The following TEX2 variants were observed in gnomAD, a reference collection of about 807,000 sequenced individuals.
TEX2 encodes the protein testis-expressed protein 2.
TEX2 carries 53 observed loss-of-function variants against 106.9 expected under a neutral mutation model. The ratio of observed to expected loss-of-function variants is 0.50; its 90% CI spans 0.40 to 0.62. The LOEUF is 0.62. Among genes scored for constraint, TEX2 ranks in the 20% least tolerant of loss-of-function variants. The probability of loss-of-function intolerance (pLI) is 0.00; values close to 1 mark genes in which losing one functional copy is unlikely to be tolerated. For missense variants in TEX2, 1,207 were observed against 1,379.0 expected, an observed-to-expected ratio of 0.88 and a Z score of 1.98; for synonymous variants, 523 against 534.8, an observed-to-expected ratio of 0.98 and a Z score of 0.30.
chr17:64,203,267 T>C (rs2032726847), intron 2 of TEX2, among the ~76,000 whole-genome samples: 1 of 152,240 alleles, frequency 6.6e-6, no homozygotes, highest in African/African-American at 2.4e-5. Context: ...GTTTTCACCC[T>C]GCTGACATGT....
In TEX2 at chr17:64,195,232, CAGG is replaced by C. The variant is rs777157396; in HGVS notation, c.1645-140_1645-138del. The C allele has an allele frequency of 2.2e-5, 17 of 788,794 alleles. No individual in the cohort carries two copies. The highest frequency in any genetic ancestry group is 6.8e-5 in the Admixed American group (3 of 44,284). 48.9% of individuals were successfully genotyped at this position (788,794 alleles called of 1,614,324 possible). ...ACAGATATCAGCTCACCAATGACTA[CAGG>C]TTGCAAAGAGAAGTGCTTAGCTGGG... is the stretch of plus-strand genomic sequence containing the variant. On this transcript the variant is annotated intron_variant, in intron 2 of 11. Coordinates refer to ENST00000584379, the MANE Select transcript of TEX2 (RefSeq NM_001288732.2). This position sits in a 1 kb window ranked among gnomAD's most constrained non-coding sequence, Gnocchi z 4.1.
chr17:64,244,711 C>T (rs924362785), intron 1 of TEX2, among the ~76,000 whole-genome samples: 2 of 152,148 alleles, frequency 1.3e-5, no homozygotes, highest in Non-Finnish European at 2.9e-5. Context: ...TTTTCAACAT[C>T]CTGTAAGAAT....
Position 64,214,041 on chromosome 17 carries a change from C to T in TEX2, c.177G>A (p.Gly59=), listed in dbSNP as rs782102837. The change falls in exon 2 of 12, where the codon GGG becomes GGA. Residue 59 remains glycine (G), a synonymous_variant. Coordinates refer to ENST00000584379, the MANE Select transcript of TEX2 (RefSeq NM_001288732.2). ...EEEFREYFEE[G]LDDQSIVTGL... ...CTGTTACAATGCTTTGGTCATCCAG[C>T]CCCTCCTCAAAGTACTCCCTGAACT... The T allele has an allele frequency of 3.4e-5, 55 of 1,614,212 alleles. 1 individual carries two copies. In the South Asian group the frequency reaches 5.7e-4, roughly 17 times the overall value.
At chr17:64,157,383 T>C (rs956033031) in intron 8 of TEX2, among the ~76,000 whole-genome samples, 5 of 152,206 alleles carry the variant, frequency 3.3e-5, no homozygotes, top group Admixed American at 6.5e-5. Context: ...AAGTGAATTA[T>C]TTTATCACTG....
chr17:64,226,732 G>A (rs970888963), intron 1 of TEX2, among the ~76,000 whole-genome samples: 14 of 152,222 alleles, frequency 9.2e-5, no homozygotes, highest in Middle Eastern at 3.4e-3. Flanking sequence ...ATGCTGGCAA[G>A]GGCACAATGA....
chr17:64,168,556 T>C (rs2031244745), intron 7 of TEX2, among the ~76,000 whole-genome samples: 1 of 152,202 alleles, frequency 6.6e-6, no homozygotes, highest in Non-Finnish European at 1.5e-5. Context: ...ACTCAAAGCC[T>C]GACCAAAGCT....
In TEX2 at chr17:64,243,130, T is replaced by C. The variant is rs568609953; in HGVS notation, c.-26+20038A>G. On this transcript the variant is annotated intron_variant, in intron 1 of 11. Coordinates refer to ENST00000584379, the MANE Select transcript of TEX2 (RefSeq NM_001288732.2). ...TTTTAGTAGAGACGGGATTTCACCA[T>C]ATTGGCCAGGCTGGTCTCGAACTGC... Among the ~76,000 whole-genome samples the C allele has an allele frequency of 3.3e-5, 5 of 151,644 alleles. No individual in the cohort carries two copies. The South Asian group carries it at 6.3e-4, about 19-fold the overall frequency.
chr17:64,164,806 G>A (rs959780068), intron 7 of TEX2, among the ~76,000 whole-genome samples: 1 of 152,180 alleles, frequency 6.6e-6, no homozygotes, highest in Admixed American at 6.5e-5. Flanking sequence ...ACAGATAAGG[G>A]GTGGCCACAA....
intron 1 of TEX2, among the ~76,000 whole-genome samples, chr17:64,248,404 C>T (rs1277097872): frequency 6.6e-6 from 1 of 152,126 alleles, no homozygotes; most frequent in East Asian, 1.9e-4. Context: ...GGGTAAGGAC[C>T]TCATTTTAAA....
intron 7 of TEX2, among the ~76,000 whole-genome samples, chr17:64,161,328 G>A (rs1313071430): frequency 5.3e-5 from 8 of 152,202 alleles, no homozygotes; most frequent in African/African-American, 1.7e-4. Context: ...AGCCAGTTAC[G>A]AGGCACAAGG....
At chr17:64,227,038 C>G (rs1419105587) in intron 1 of TEX2, among the ~76,000 whole-genome samples, 1 of 151,712 alleles carries the variant, frequency 6.6e-6, no homozygotes, top group African/African-American at 2.4e-5. Context: ...CCATCTGGGC[C>G]AACATGGTGA....
chr17:64,204,222 C>T (rs1555630498), intron 2 of TEX2, among the ~76,000 whole-genome samples: 1 of 152,204 alleles, frequency 6.6e-6, no homozygotes, highest in Non-Finnish European at 1.5e-5. Context: ...ATAATTTATA[C>T]ACATGTCCCA....
chr17:64,220,287 T>C (rs1598197517), intron 1 of TEX2, among the ~76,000 whole-genome samples: 2 of 152,144 alleles, frequency 1.3e-5, no homozygotes, highest in African/African-American at 4.8e-5. Context: ...ATTCATGACA[T>C]AGGCACAGAC....
intron 11 of TEX2, chr17:64,150,638 A>C: frequency 2.4e-6 from 1 of 415,128 alleles, no homozygotes; most frequent in Middle Eastern, 7.0e-4. Context: ...ATGACTTAGT[A>C]ATGTTCTGTG....
At chr17:64,252,376 A>C (rs782168789) in intron 1 of TEX2, among the ~76,000 whole-genome samples, 59 of 152,002 alleles carry the variant, frequency 3.9e-4, no homozygotes, top group Admixed American at 2.1e-3. Context: ...GCAGTGGCAC[A>C]ATGATGGCTC....
At position 64,154,865 on chromosome 17, in the gene TEX2, T is replaced by C. The variant is rs1035318170; in HGVS notation, c.2907A>G (p.Lys969=). The C allele has an allele frequency of 6.2e-7, 1 of 1,607,712 alleles. No individual in the cohort carries two copies. The highest frequency in any genetic ancestry group is 1.3e-5 in the African/African-American group (1 of 74,546). The change falls in exon 9 of 12, where the codon AAA becomes AAG. Residue 969 remains lysine, a synonymous_variant. Transcript: ENST00000584379. ...DDAPEPSGGD[K]QLLPGAEGYV... ...ACCCTTCAGCCCCTGGGAGGAGCTG[T>C]TTGTCTCCCCCGCTGGGCTCTGGGG...
chr17:64,220,863 A>C (rs1555633210), intron 1 of TEX2, among the ~76,000 whole-genome samples: 6 of 152,206 alleles, frequency 3.9e-5, no homozygotes. Flanking sequence ...ATATACCCAA[A>C]GGAATATAAA....
At chr17:64,210,648 T>TTTTTTTTTTTTTTTTTTTTC (rs1555631397) in intron 2 of TEX2, among the ~76,000 whole-genome samples, 1 of 148,750 alleles carries the variant, frequency 6.7e-6, no homozygotes, top group Non-Finnish European at 1.5e-5. Flanking sequence ...TTTTTTTTTT[T>TTTTTTTTTTTTTTTTTTTTC]TTTTTTTTTT....
rs150394111 is a variant in TEX2, at chr17:64,149,057, T to C, written c.3296A>G (p.Tyr1099Cys). ...VFVMPNMDDV[Y>C]ITIMHSAMDP... The stretch of plus-strand genomic sequence containing the variant: ...CATGGCTGAGTGCATTATAGTGATA[T>C]AAACATCATCCATGTTTGGCATGAC... Residue 1099 changes from tyrosine to cysteine, a missense_variant, in exon 12 of 12, where the codon TAT becomes TGT. Physicochemically the swap from Tyr to Cys is radical, Grantham distance 194. This residue lies in a region of TEX2 where 77 missense variants were observed against 73.2 expected (regional missense o/e 1.05). Transcript: ENST00000584379. 2.5e-6 allele frequency: 4 copies of C among 1,614,084 alleles called. No homozygotes were observed. The highest frequency in any genetic ancestry group is 2.7e-5 in the African/African-American group (2 of 75,048).
Sources: allele counts gnomAD v4.1 joint callset (sites outside exome capture counted in the v4.1 genomes callset), GRCh38; gene constraint gnomAD v4.1.1; regional missense constraint gnomAD v4.1.1; non-coding constraint Gnocchi (gnomAD v3.1); transcripts MANE v1.5; gene names NCBI Gene and HGNC (gene_info 2026-07-23, HGNC 2026-07-21).